WWC1: variants seen among roughly 807,000 people sequenced by gnomAD.
WWC1 encodes protein KIBRA.
In WWC1, 55 loss-of-function variants were observed where a neutral mutation model predicts 138.4. The ratio of observed to expected loss-of-function variants is 0.40; its 90% confidence interval spans 0.32 to 0.50. The LOEUF is 0.50. Ranked by LOEUF, WWC1 falls within the 20% of genes least tolerant of loss-of-function variation. The pLI is 0.72. For missense variants in WWC1, 1,226 were observed against 1,420.4 expected, an observed-to-expected ratio of 0.86 and a Z score of 2.20; for synonymous variants, 524 against 564.9, an observed-to-expected ratio of 0.93 and a Z score of 1.03.
intron 18 of WWC1, among the ~76,000 whole-genome samples, chr5:168,454,547 G>T (rs1289750467): frequency 6.6e-6 from 1 of 152,202 alleles, no homozygotes; most frequent in Non-Finnish European, 1.5e-5. Context: ...GACTCCCTTT[G>T]CTCCCTGCTT....
chr5:168,328,981 G>A (rs2337214), intron 1 of WWC1, among the ~76,000 whole-genome samples: 36,574 of 152,120 alleles, frequency 0.24, 5,977 homozygotes, highest in African/African-American at 0.47. Context: ...TCCACCTGCA[G>A]TAAAGCAGAA....
intron 1 of WWC1, among the ~76,000 whole-genome samples, chr5:168,353,596 C>T (rs899354036): frequency 6.6e-6 from 1 of 152,214 alleles, no homozygotes; most frequent in South Asian, 2.1e-4. Flanking sequence ...TCACCTGACG[C>T]CCAGGGAGCC....
chr5:168,425,647 A>G (rs1048935777), intron 11 of WWC1, among the ~76,000 whole-genome samples: 15 of 145,068 alleles, frequency 1.0e-4, no homozygotes, highest in Non-Finnish European at 2.1e-4. Context: ...GCACATCACC[A>G]TGCCTGGCTA....
At chr5:168,446,131 A>G (rs1215894090) in intron 17 of WWC1, among the ~76,000 whole-genome samples, 1 of 152,024 alleles carries the variant, frequency 6.6e-6, no homozygotes, top group Admixed American at 6.6e-5. Context: ...GTCTGCTTCA[A>G]AAGGTAACTG....
intron 3 of WWC1, among the ~76,000 whole-genome samples, chr5:168,396,659 C>G (rs1305043115): frequency 6.6e-6 from 1 of 152,180 alleles, no homozygotes; most frequent in African/African-American, 2.4e-5. Flanking sequence ...TTATGAGGCT[C>G]AGAGCTTGTC....
chr5:168,300,518 C>A (rs1347502019), intron 1 of WWC1, among the ~76,000 whole-genome samples: 1 of 144,362 alleles, frequency 6.9e-6, no homozygotes, highest in Admixed American at 7.2e-5. Flanking sequence ...TGAGATCTTT[C>A]AGTTTCAAAT....
intron 1 of WWC1, among the ~76,000 whole-genome samples, chr5:168,304,512 C>G (rs759738627): frequency 6.6e-6 from 1 of 152,302 alleles, no homozygotes; most frequent in Non-Finnish European, 1.5e-5. Context: ...TTTTTGCCCT[C>G]GTACAATGGT....
chr5:168,442,002 C>T (rs956080280), intron 16 of WWC1, among the ~76,000 whole-genome samples, 168 bp downstream of exon 16: 3 of 152,184 alleles, frequency 2.0e-5, no homozygotes, highest in East Asian at 1.9e-4. Flanking sequence ...AAGGGGCAGG[C>T]GGCTCCCTTT....
At chr5:168,299,572 C>T (rs1162567776) in intron 1 of WWC1, among the ~76,000 whole-genome samples, 6 of 152,326 alleles carry the variant, frequency 3.9e-5, no homozygotes, top group African/African-American at 1.2e-4. Context: ...TCCTCTCTGT[C>T]GCCATCCCTC....
chr5:168,294,463 T>C (rs944097387), intron 1 of WWC1, among the ~76,000 whole-genome samples: 4 of 152,172 alleles, frequency 2.6e-5, no homozygotes, highest in Non-Finnish European at 4.4e-5. Context: ...AGCTAGGTAC[T>C]GTGGCCAGCC....
chr5:168,352,075 G>A (rs1775008640), intron 1 of WWC1, among the ~76,000 whole-genome samples: 1 of 152,176 alleles, frequency 6.6e-6, no homozygotes, highest in Non-Finnish European at 1.5e-5. Flanking sequence ...TACCTCAAAG[G>A]GCGGTCAGGA....
At chr5:168,424,745 C>T (rs564160019) in intron 11 of WWC1, among the ~76,000 whole-genome samples, 2 of 152,240 alleles carry the variant, frequency 1.3e-5, no homozygotes, top group African/African-American at 4.8e-5. Context: ...GAGTCCAGAT[C>T]CTGAAAGGCC....
chr5:168,392,018 A>G (rs904149866), intron 3 of WWC1, among the ~76,000 whole-genome samples: 1 of 152,032 alleles, frequency 6.6e-6, no homozygotes, highest in Non-Finnish European at 1.5e-5. Context: ...TCAAAGAGGA[A>G]TGGGTAAAGG....
chr5:168,371,637 C>A (rs944056092), intron 2 of WWC1, 104 bp downstream of exon 2: 2 of 715,652 alleles, frequency 2.8e-6, no homozygotes, highest in African/African-American at 1.8e-5. Context: ...ACTCTTGGAG[C>A]CAGATTGTAT....
chr5:168,468,477 A>C (rs1757483133), intron 22 of WWC1, among the ~76,000 whole-genome samples: 1 of 151,620 alleles, frequency 6.6e-6, no homozygotes, highest in Non-Finnish European at 1.5e-5. Flanking sequence ...AACAAGGTAC[A>C]CATGTTTGTG....
chr5:168,430,282 G>T, intron 14 of WWC1, 59 bp downstream of exon 14: 2 of 1,483,434 alleles, frequency 1.3e-6, no homozygotes, highest in South Asian at 1.2e-5. Context: ...TTACCCCTGG[G>T]GGTCACTTTT....
chr5:168,403,025 T>C (rs1478056984), intron 5 of WWC1, among the ~76,000 whole-genome samples: 1 of 119,260 alleles, frequency 8.4e-6, no homozygotes, highest in Non-Finnish European at 1.7e-5. Flanking sequence ...TTTCTTTCTT[T>C]CTTTCTTTCT....
intron 1 of WWC1, among the ~76,000 whole-genome samples, chr5:168,339,895 G>GTCTCTCTCTCTT (rs1561630395): frequency 6.0e-5 from 4 of 66,706 alleles, no homozygotes; most frequent in African/African-American, 2.6e-4. Flanking sequence ...CTCTCTCTCT[G>GTCTCTCTCTCTT]TCTCTCTCTC....
chr5:168,453,782 G>T (rs1756047603), intron 17 of WWC1, among the ~76,000 whole-genome samples, 186 bp from the exon 18 acceptor site: 1 of 152,160 alleles, frequency 6.6e-6, no homozygotes, highest in South Asian at 2.1e-4. Context: ...CTGAACTCAG[G>T]CAGTCTGCCT....
Sources: allele counts gnomAD v4.1 joint callset (sites outside exome capture counted in the v4.1 genomes callset), GRCh38; gene constraint gnomAD v4.1.1; transcripts MANE v1.5; gene names NCBI Gene and HGNC (gene_info 2026-07-23, HGNC 2026-07-21).